DDX10: variants seen among roughly 807,000 people sequenced by gnomAD.
DDX10 encodes the protein DEAD-box helicase 10, also known as probable ATP-dependent RNA helicase DDX10.
Under a neutral mutation model 104.3 loss-of-function variants are expected in DDX10, and 74 were observed. The ratio of observed to expected loss-of-function variants is 0.71; its 90% CI spans 0.59 to 0.86. DDX10 has a LOEUF of 0.86. Ranked by LOEUF, DDX10 falls within the 40% of genes least tolerant of loss-of-function variation. The probability of loss-of-function intolerance (pLI) is 0.00; values close to 1 mark genes in which losing one functional copy is unlikely to be tolerated. For missense variants in DDX10, 952 were observed against 1,040.0 expected (o/e 0.92, Z 1.16); for synonymous variants, 351 against 353.4 (o/e 0.99, Z 0.08).
At chr11:108,761,637 G>A (rs2514121) in intron 13 of DDX10, among the ~76,000 whole-genome samples, 150,767 of 152,218 alleles carry the variant, frequency 0.99, 74,697 homozygotes, top group Middle Eastern at 1. Context: ...GACAAGGATT[G>A]TAGAAAAAGG....
chr11:108,688,802 C>G (rs2094248027), intron 6 of DDX10, 134 bp from the exon 7 acceptor site: 1 of 846,952 alleles, frequency 1.2e-6, no homozygotes, highest in Admixed American at 2.8e-5. Flanking sequence ...GAGAAAAATT[C>G]TTTTTTTGGT....
In DDX10 at chr11:108,860,903, A is replaced by G. The variant is rs533477080; in HGVS notation, c.2304+8694A>G. 9 of 152,264 alleles carry G rather than the reference A, an allele frequency of 5.9e-5. No homozygotes were observed. The East Asian group carries it at 1.5e-3, about 26-fold the overall frequency. 9.4% of individuals were successfully genotyped at this position (152,264 alleles called of 1,614,324 possible). On this transcript the variant is annotated intron_variant, in intron 16 of 17. Coordinates refer to ENST00000322536, the MANE Select transcript of DDX10 (RefSeq NM_004398.4). The stretch of plus-strand genomic sequence containing the variant: ...ATTTCCTCCATATCTTAAAGGAGAA[A>G]AAAAGCCAGTGGGAAAAGGAAATAA...
At chr11:108,908,447 G>C (rs1440274039) in intron 16 of DDX10, among the ~76,000 whole-genome samples, 1 of 152,098 alleles carries the variant, frequency 6.6e-6, no homozygotes, top group Non-Finnish European at 1.5e-5. Flanking sequence ...TACAATATGG[G>C]AAGACTTTAA....
At chr11:108,767,395 A>C (rs1479821005) in intron 13 of DDX10, 1 of 152,196 alleles carries the variant, frequency 6.6e-6, no homozygotes. Flanking sequence ...CGTAGACTTG[A>C]TAACATGTGG....
chr11:108,891,195 A>T (rs1863371445), intron 16 of DDX10, among the ~76,000 whole-genome samples: 1 of 152,206 alleles, frequency 6.6e-6, no homozygotes, highest in Admixed American at 6.5e-5. Context: ...AGCATTCTCA[A>T]AAAGATTTTA....
At chr11:108,847,312 C>A (rs556285678) in intron 15 of DDX10, among the ~76,000 whole-genome samples, 5 of 152,268 alleles carry the variant, frequency 3.3e-5, no homozygotes, top group African/African-American at 1.2e-4. Flanking sequence ...GAGTGAAAAT[C>A]TGCTCTGTGT....
intron 13 of DDX10, chr11:108,730,081 T>C (rs1344878922): frequency 1.3e-5 from 2 of 152,546 alleles, no homozygotes; most frequent in African/African-American, 2.4e-5. Flanking sequence ...CTTCCATGGC[T>C]GATGCTCTTC....
intron 13 of DDX10, among the ~76,000 whole-genome samples, chr11:108,793,090 G>T (rs1488371788): frequency 6.6e-6 from 1 of 152,162 alleles, no homozygotes; most frequent in East Asian, 1.9e-4. Flanking sequence ...GATATGCGTC[G>T]TAGGCAAAGG....
intron 13 of DDX10, among the ~76,000 whole-genome samples, chr11:108,834,751 C>A: frequency 6.6e-6 from 1 of 151,798 alleles, no homozygotes; most frequent in Non-Finnish European, 1.5e-5. Flanking sequence ...CACAGTGAAA[C>A]CCTGTCTCTA....
At chr11:108,735,625 G>C (rs2094317433) in intron 13 of DDX10, among the ~76,000 whole-genome samples, 1 of 151,870 alleles carries the variant, frequency 6.6e-6, no homozygotes, top group Non-Finnish European at 1.5e-5. Context: ...TATGAAACTT[G>C]AAAATAGTAA....
intron 16 of DDX10, among the ~76,000 whole-genome samples, chr11:108,866,145 G>A (rs7937025): frequency 0.015 from 2,215 of 152,190 alleles, 59 homozygotes; most frequent in African/African-American, 0.051. Context: ...TTCCATTTTG[G>A]TAGTTGGACT....
intron 13 of DDX10, among the ~76,000 whole-genome samples, chr11:108,783,520 T>C (rs1283924982): frequency 1.3e-5 from 2 of 152,250 alleles, no homozygotes; most frequent in East Asian, 3.9e-4. Context: ...GTCTTTTGGA[T>C]GTACAAACTG....
At chr11:108,698,410 G>A (rs1161070303) in intron 9 of DDX10, among the ~76,000 whole-genome samples, 5 of 152,268 alleles carry the variant, frequency 3.3e-5, no homozygotes, top group African/African-American at 9.6e-5. Flanking sequence ...TCTGCTCCTC[G>A]TAGATAGTGG....
intron 15 of DDX10, among the ~76,000 whole-genome samples, chr11:108,844,010 G>T (rs1285811024): frequency 6.6e-6 from 1 of 152,140 alleles, no homozygotes; most frequent in African/African-American, 2.4e-5. Flanking sequence ...TTAGAACACA[G>T]CATGTGATTT....
intron 13 of DDX10, among the ~76,000 whole-genome samples, chr11:108,778,105 G>A (rs2094372583): frequency 6.6e-6 from 1 of 152,126 alleles, no homozygotes; most frequent in African/African-American, 2.4e-5. Flanking sequence ...ATATTGTGAA[G>A]ATGGCCATAC....
intron 13 of DDX10, among the ~76,000 whole-genome samples, chr11:108,807,712 CT>C (rs1862120151): frequency 6.6e-6 from 1 of 152,080 alleles, no homozygotes; most frequent in Admixed American, 6.6e-5. Context: ...GGCACCTGGA[CT>C]TTTCTGGGTC....
chr11:108,923,193 G>C (rs1333609798), intron 17 of DDX10, among the ~76,000 whole-genome samples: 1 of 152,164 alleles, frequency 6.6e-6, no homozygotes, highest in Non-Finnish European at 1.5e-5. Context: ...GTTTCAGTGG[G>C]CTTTGTGACA....
chr11:108,909,361 C>T (rs1863637735), intron 16 of DDX10, among the ~76,000 whole-genome samples: 3 of 140,760 alleles, frequency 2.1e-5, no homozygotes, highest in African/African-American at 5.3e-5. Context: ...TCCTGTGCCC[C>T]ACTCCCGCCC....
At chr11:108,861,262 C>T (rs759323374) in intron 16 of DDX10, among the ~76,000 whole-genome samples, 2 of 152,038 alleles carry the variant, frequency 1.3e-5, no homozygotes, top group African/African-American at 2.4e-5. Flanking sequence ...CTGCCCTGGA[C>T]GTGCCTGCCT....
Sources: allele counts gnomAD v4.1 joint callset (sites outside exome capture counted in the v4.1 genomes callset), GRCh38; gene constraint gnomAD v4.1.1; transcripts MANE v1.5; gene names NCBI Gene and HGNC (gene_info 2026-07-23, HGNC 2026-07-21).